The following ICOS variants were observed in gnomAD, a reference collection of about 807,000 sequenced individuals.
ICOS encodes inducible T-cell costimulator.
ICOS carries 15 observed loss-of-function variants against 24.6 expected under a neutral mutation model. The ratio of observed to expected loss-of-function variants is 0.61; its 90% CI spans 0.41 to 0.94. The LOEUF is 0.94. Ranked by LOEUF, ICOS falls within the 40% of genes least tolerant of loss-of-function variation. ICOS has a pLI of 0.00. For synonymous variants in ICOS, 89 were observed against 77.5 expected (o/e 1.15, Z -0.78); for missense variants, 200 against 233.0 (o/e 0.86, Z 0.92).
At chr2:203,938,832 TAAAG>T (rs1191888325) in intron 1 of ICOS, among the ~76,000 whole-genome samples, 1 of 152,212 alleles carries the variant, frequency 6.6e-6, no homozygotes, top group Non-Finnish European at 1.5e-5. Context: ...ACTCTCATTA[TAAAG>T]AAAGCCATGA....
In ICOS at chr2:203,959,974, A is replaced by C. The variant is rs1281095115; in HGVS notation, c.*375A>C. ...CAGGGGTACTGAATCTGCAAAGCAA[A>C]TGAGCAGCCAAGGACCAGCATCTGT... is the stretch of plus-strand genomic sequence containing the variant. On this transcript the variant is annotated 3_prime_UTR_variant, in exon 5 of 5. Coordinates refer to ENST00000316386, the MANE Select transcript of ICOS (RefSeq NM_012092.4). 1 of 357,494 alleles carries C rather than the reference A, an allele frequency of 2.8e-6. No homozygotes were observed. Among genetic ancestry groups the C allele is most frequent in the African/African-American group, 2.1e-5 (1 of 47,450 alleles). The allele number at this position is 357,494 out of a possible 1,614,324, so 22.1% of individuals were successfully genotyped here. A position where few individuals can be genotyped will look rare whatever the true frequency, so the allele number is the denominator to read the frequency against.
intron 1 of ICOS, among the ~76,000 whole-genome samples, chr2:203,948,800 G>T (rs746468106): frequency 3.3e-5 from 5 of 152,234 alleles, no homozygotes; most frequent in African/African-American, 1.2e-4. Context: ...CAAAGAAGCA[G>T]CCATGTGAAA....
chr2:203,936,990 A>G (rs1204071020), intron 1 of ICOS, 118 bp downstream of exon 1: 1 of 750,410 alleles, frequency 1.3e-6, no homozygotes, highest in East Asian at 2.7e-5. Flanking sequence ...GAAAGTAGGA[A>G]TAGTTTCAGG....
At chr2:203,944,198 A>G (rs2105746883) in intron 1 of ICOS, among the ~76,000 whole-genome samples, 1 of 152,316 alleles carries the variant, frequency 6.6e-6, no homozygotes, top group East Asian at 1.9e-4. Flanking sequence ...AAGTTCAGCT[A>G]GAGAATTCCT....
chr2:203,949,458 A>G (rs1204480117), intron 1 of ICOS, among the ~76,000 whole-genome samples: 2 of 152,202 alleles, frequency 1.3e-5, no homozygotes, highest in Non-Finnish European at 2.9e-5. Flanking sequence ...GTCTGTATGT[A>G]CACAAAAGAG....
chr2:203,951,982 C>T (rs540973929), intron 1 of ICOS, among the ~76,000 whole-genome samples: 36 of 151,994 alleles, frequency 2.4e-4, no homozygotes, highest in South Asian at 2.1e-3. Context: ...GTTTTTAAAA[C>T]GAAGCAAGTA....
At chr2:203,938,625 A>G (rs141102227) in intron 1 of ICOS, among the ~76,000 whole-genome samples, 27 of 152,336 alleles carry the variant, frequency 1.8e-4, no homozygotes, top group Admixed American at 5.2e-4. Context: ...AAATCATTCA[A>G]CTAGGCCAAA....
chr2:203,945,823 TTAGG>T (rs1423274847), intron 1 of ICOS, among the ~76,000 whole-genome samples: 1 of 152,190 alleles, frequency 6.6e-6, no homozygotes, highest in African/African-American at 2.4e-5. Flanking sequence ...ACATGATGTG[TTAGG>T]GTAAAACCAG....
intron 1 of ICOS, among the ~76,000 whole-genome samples, chr2:203,944,452 G>A (rs969120041): frequency 6.6e-6 from 1 of 152,274 alleles, no homozygotes; most frequent in Admixed American, 6.5e-5. Context: ...GGAGAGGAGG[G>A]TCTCCCTTTC....
Position 203,956,758 on chromosome 2 carries a change from C to G in ICOS, c.494C>G (p.Thr165Arg). Residue 165 changes from threonine to arginine, a missense_variant, in exon 3 of 5, where the codon ACA becomes AGA. Coordinates refer to ENST00000316386, the MANE Select transcript of ICOS (RefSeq NM_012092.4). ...GGATGCATACTTATTTGTTGGCTTA[C>G]AAAAAAGGTAAGCGATTTCTATCTT... The part of the protein sequence containing the change: ...ILGCILICWL[T>R]KKKYSSSVHD... 7 of 1,604,692 alleles carry G rather than the reference C, an allele frequency of 4.4e-6. No homozygotes were observed. Among genetic ancestry groups the G allele is most frequent in the Non-Finnish European group, 6.0e-6 (7 of 1,171,720 alleles).
intron 1 of ICOS, among the ~76,000 whole-genome samples, chr2:203,955,208 T>C (rs1233832725): frequency 6.6e-6 from 1 of 152,168 alleles, no homozygotes; most frequent in Admixed American, 6.6e-5. Context: ...TTTCTGATTC[T>C]ATAATCAAAA....
intron 3 of ICOS, 68 bp from the exon 4 acceptor site, chr2:203,957,731 A>C: frequency 8.4e-7 from 1 of 1,186,418 alleles, no homozygotes. Context: ...AAAGAATAGA[A>C]AACAGTCAAA....
intron 1 of ICOS, among the ~76,000 whole-genome samples, chr2:203,939,880 T>C (rs572371869): frequency 6.6e-6 from 1 of 152,350 alleles, no homozygotes; most frequent in South Asian, 2.1e-4. Flanking sequence ...GTCAATTTTT[T>C]CTTTTGATAG....
chr2:203,938,842 C>A (rs1689712681), intron 1 of ICOS, among the ~76,000 whole-genome samples: 1 of 152,126 alleles, frequency 6.6e-6, no homozygotes, highest in Non-Finnish European at 1.5e-5. Flanking sequence ...TAAAGAAAGC[C>A]ATGAGATGTG....
At chr2:203,950,048 A>C (rs938445752) in intron 1 of ICOS, among the ~76,000 whole-genome samples, 48 of 152,256 alleles carry the variant, frequency 3.2e-4, no homozygotes, top group African/African-American at 1.1e-3. Context: ...AATGTTACCA[A>C]AGGCTAAGAA....
In ICOS at chr2:203,960,628, G is replaced by C. The variant is rs1264721575; in HGVS notation, c.*1029G>C. On this transcript the variant is annotated 3_prime_UTR_variant, in exon 5 of 5. Coordinates refer to ENST00000316386, the MANE Select transcript of ICOS (RefSeq NM_012092.4). The stretch of plus-strand genomic sequence containing the variant: ...CTTTAATGGGCCAGCATTCTCATGG[G>C]GTAGAGCAGAATATTCATTTAGCCT... The C allele has an allele frequency of 6.6e-6, 1 of 152,114 alleles. No homozygotes were observed. The highest frequency in any genetic ancestry group is 1.5e-5 in the Non-Finnish European group (1 of 68,042). The allele number at this position is 152,114 out of a possible 1,614,324, so 9.4% of individuals were successfully genotyped here.
rs544008056 is a variant in ICOS at position 203,943,649 on chromosome 2, C to T, written c.58+6777C>T. On this transcript the variant is annotated intron_variant, in intron 1 of 4. Transcript: ENST00000316386. The stretch of plus-strand genomic sequence containing the variant: ...TGGTTGGCCTCCTGCCAGGAGGTGG[C>T]GCTTTCCAGAAAGCATCAGCTGTAA... Among the ~76,000 whole-genome samples, 21 of 152,190 alleles carry T rather than the reference C, an allele frequency of 1.4e-4. No homozygotes were observed. The South Asian group carries it at 3.7e-3, about 27-fold the overall frequency.
intron 1 of ICOS, among the ~76,000 whole-genome samples, chr2:203,949,033 A>G (rs183122326): frequency 1.6e-4 from 24 of 152,354 alleles, no homozygotes; most frequent in Admixed American, 1.4e-3. Context: ...TTTTATAAGC[A>G]GAACAATGAC....
At chr2:203,950,841 C>T (rs561418758) in intron 1 of ICOS, among the ~76,000 whole-genome samples, 2 of 152,026 alleles carry the variant, frequency 1.3e-5, no homozygotes, top group Non-Finnish European at 2.9e-5. Flanking sequence ...GTGGGCGGAT[C>T]GTGAGGTAAA....
Sources: gnomAD v4.1 joint callset for allele counts (sites outside exome capture counted in the v4.1 genomes callset) on GRCh38, gnomAD v4.1.1 for gene constraint, MANE v1.5 for transcripts, NCBI Gene and HGNC (gene_info 2026-07-23, HGNC 2026-07-21) for gene names.